The following CRISPLD2 variants were observed in gnomAD, a reference collection of about 807,000 sequenced individuals.
The protein encoded by CRISPLD2 is cysteine rich secretory protein LCCL domain containing 2.
A neutral mutation model predicts 71.1 loss-of-function variants in CRISPLD2; 47 were observed. That is an observed-to-expected ratio of 0.66 (90% confidence interval 0.52 to 0.84). The LOEUF (loss-of-function observed/expected upper bound fraction) is 0.84. Ranked by LOEUF, CRISPLD2 falls within the 40% of genes least tolerant of loss-of-function variation. CRISPLD2 has a pLI of 0.00. For missense variants in CRISPLD2, 830 were observed against 651.1 expected (o/e 1.27, Z -2.99); for synonymous variants, 317 against 250.1 (o/e 1.27, Z -2.52).
intron 11 of CRISPLD2, among the ~76,000 whole-genome samples, chr16:84,875,202 C>T (rs1181763084): frequency 6.6e-6 from 1 of 151,958 alleles, no homozygotes; most frequent in African/African-American, 2.4e-5. Context: ...GTTCATGCCA[C>T]TACACTCCAG....
intron 4 of CRISPLD2, 47 bp downstream of exon 4, chr16:84,849,564 G>A (rs1179140840): frequency 1.3e-6 from 2 of 1,589,048 alleles, no homozygotes; most frequent in Admixed American, 3.5e-5. Flanking sequence ...CCCAATCCCA[G>A]TCATTCACCC....
intron 13 of CRISPLD2, among the ~76,000 whole-genome samples, chr16:84,886,732 A>C (rs1445551766): frequency 6.6e-6 from 1 of 152,178 alleles, no homozygotes; most frequent in Non-Finnish European, 1.5e-5. Flanking sequence ...CTGAGGTGGG[A>C]GGAGCCCGGA....
chr16:84,902,435 C>T (rs1292749862), intron 14 of CRISPLD2, among the ~76,000 whole-genome samples: 3 of 151,338 alleles, frequency 2.0e-5, no homozygotes, highest in Non-Finnish European at 4.4e-5. Flanking sequence ...AGGTGAAACC[C>T]CGTCTCTACT....
chr16:84,883,837 A>T (rs967412396), intron 13 of CRISPLD2, among the ~76,000 whole-genome samples: 4 of 144,244 alleles, frequency 2.8e-5, no homozygotes, highest in South Asian at 2.2e-4. Flanking sequence ...CTGGGGTCTT[A>T]TTTAATTTTT....
In CRISPLD2 at chr16:84,867,169, G is replaced by A. The variant is rs569918553; in HGVS notation, c.853+129G>A. ...CAGGCAGTGGCAAACAGGGTGCGGCGAAGCTCATGGAGGCACAACCATAAG... is the reference window on the plus strand; with the variant it reads ...CAGGCAGTGGCAAACAGGGTGCGGCAAAGCTCATGGAGGCACAACCATAAG... On this transcript the variant is annotated intron_variant, in intron 7 of 14. Coordinates refer to ENST00000262424, the MANE Select transcript of CRISPLD2 (RefSeq NM_031476.4). 342 of 892,550 alleles carry A rather than the reference G, an allele frequency of 3.8e-4. 1 individual carries two copies. The African/African-American group carries it at 5.0e-3, about 13-fold the overall frequency. The allele number at this position is 892,550 out of a possible 1,614,324, so 55.3% of individuals were successfully genotyped here. A position where few individuals can be genotyped will look rare whatever the true frequency, so the allele number is the denominator to read the frequency against.
intron 3 of CRISPLD2, among the ~76,000 whole-genome samples, chr16:84,848,475 T>A (rs1874016): frequency 0.3 from 37,059 of 124,662 alleles, 4,791 homozygotes; most frequent in African/African-American, 0.37. Context: ...AAAAAAAAAA[T>A]GGTGCCAACC....
chr16:84,824,438 G>A (rs1183620928), intron 1 of CRISPLD2, among the ~76,000 whole-genome samples: 4 of 152,156 alleles, frequency 2.6e-5, no homozygotes, highest in East Asian at 1.9e-4. Context: ...GACTGAGCAC[G>A]GGCACAGATC....
chr16:84,881,937 A>G (rs972316996), intron 13 of CRISPLD2, among the ~76,000 whole-genome samples: 1 of 152,200 alleles, frequency 6.6e-6, no homozygotes, highest in Non-Finnish European at 1.5e-5. Flanking sequence ...CTTCATGACT[A>G]AGCTTATCTC....
At chr16:84,872,912 C>T (rs2143289309) in intron 9 of CRISPLD2, 80 bp from the exon 10 acceptor site, 1 of 1,523,408 alleles carries the variant, frequency 6.6e-7, no homozygotes, top group Non-Finnish European at 8.8e-7. Flanking sequence ...GAGTTGAGGA[C>T]AAATGTTTGG....
intron 4 of CRISPLD2, among the ~76,000 whole-genome samples, chr16:84,849,926 A>G (rs1250014477): frequency 2.2e-5 from 3 of 137,620 alleles, no homozygotes; most frequent in African/African-American, 8.3e-5. Context: ...GGGTCTGGCT[A>G]TGTTGTCCAG....
At chr16:84,835,635 C>T (rs1425163234) in intron 1 of CRISPLD2, among the ~76,000 whole-genome samples, 2 of 152,214 alleles carry the variant, frequency 1.3e-5, no homozygotes, top group Non-Finnish European at 2.9e-5. Context: ...TGGAGAAACC[C>T]TCCCATTCCT....
At position 84,838,649 on chromosome 16, in the gene CRISPLD2, C is replaced by A. The variant is rs192527000; in HGVS notation, c.154C>A (p.Pro52Thr). Residue 52 changes from proline (P) to threonine (T), a missense_variant, in exon 2 of 15, where the codon CCC becomes ACC. Pro to Thr is a conservative substitution (Grantham distance 38). Coordinates refer to ENST00000262424, the MANE Select transcript of CRISPLD2 (RefSeq NM_031476.4). ...ESHSRVRRAI[P>T]REDKEEILML... ...TCACTCCCGGGTCCGCAGAGCCATC[C>A]CCAGGGAGGACAAGGAGGAGATCCT... The A allele has an allele frequency of 9.9e-6, 16 of 1,614,240 alleles. No individual in the cohort carries two copies. The East Asian group carries it at 3.6e-4, about 36-fold the overall frequency.
intron 11 of CRISPLD2, among the ~76,000 whole-genome samples, chr16:84,875,296 G>A (rs1024785150): frequency 7.3e-5 from 11 of 150,162 alleles, no homozygotes; most frequent in African/African-American, 2.8e-4. Flanking sequence ...ATATATTTCT[G>A]TGCCTTTAAA....
At chr16:84,889,418 CA>C in intron 14 of CRISPLD2, 55 bp downstream of exon 14, 3 of 1,560,980 alleles carry the variant, frequency 1.9e-6, no homozygotes, top group Non-Finnish European at 2.6e-6. Context: ...AATGGTCCCT[CA>C]GGGGGCCTGG....
At chr16:84,853,031 C>A (rs1357382328) in intron 5 of CRISPLD2, among the ~76,000 whole-genome samples, 1 of 152,172 alleles carries the variant, frequency 6.6e-6, no homozygotes, top group Non-Finnish European at 1.5e-5. Context: ...CACACCACTG[C>A]ACTCCAGCCT....
chr16:84,845,811 C>T lies in CRISPLD2; in HGVS notation c.266C>T (p.Ser89Phe). The change falls in exon 3 of 15, where the codon TCT becomes TTT. Residue 89 changes from serine (S) to phenylalanine (F), a missense_variant. Ser to Phe is a radical substitution (Grantham distance 155). Transcript: ENST00000262424. ...ACCTGGGATGACGAACTGGAGAAGTCTGCTGCAGCGTGGGCCAGTCAGTGC... is the reference window on the plus strand; with the variant it reads ...ACCTGGGATGACGAACTGGAGAAGTTTGCTGCAGCGTGGGCCAGTCAGTGC... Reference protein sequence around the residue: ...YMTWDDELEKSAAAWASQCIW... With the variant: ...YMTWDDELEKFAAAWASQCIW... 6.2e-7 allele frequency: 1 copy of T among 1,613,852 alleles called. No homozygotes were observed. The highest frequency in any genetic ancestry group is 1.3e-5 in the African/African-American group (1 of 75,040).
chr16:84,846,796 C>G (rs965439523), intron 3 of CRISPLD2, among the ~76,000 whole-genome samples: 1 of 152,218 alleles, frequency 6.6e-6, no homozygotes, highest in African/African-American at 2.4e-5. Flanking sequence ...TCTGTCCCCT[C>G]TCCTTCCCTG....
In CRISPLD2 at chr16:84,873,109, G is replaced by C; in HGVS notation, c.1099G>C (p.Val367Leu). ...PFFVKSERHG[V>L]QSLSKYKPSS... ...CTTCGTGAAGTCTGAGAGACACGGC[G>C]TGCAGTCCCTCAGGTAACTACTCTG... Residue 367 changes from valine (V) to leucine (L), a missense_variant, in exon 10 of 15, where the codon GTG becomes CTG. Val to Leu is a conservative substitution (Grantham distance 32, BLOSUM62 1). Transcript: ENST00000262424. The C allele has an allele frequency of 4.3e-6, 7 of 1,613,480 alleles. No individual in the cohort carries two copies. Among genetic ancestry groups the C allele is most frequent in the Non-Finnish European group, 5.9e-6 (7 of 1,179,728 alleles).
intron 1 of CRISPLD2, among the ~76,000 whole-genome samples, chr16:84,832,348 T>G (rs1916508282): frequency 6.6e-6 from 1 of 152,240 alleles, no homozygotes; most frequent in South Asian, 2.1e-4. Context: ...CAAGGGCCAG[T>G]GAGGGGCAAG....
Sources: gnomAD v4.1 joint callset for allele counts (sites outside exome capture counted in the v4.1 genomes callset) on GRCh38, gnomAD v4.1.1 for gene constraint, MANE v1.5 for transcripts, NCBI Gene and HGNC (gene_info 2026-07-23, HGNC 2026-07-21) for gene names.